Variants in METTL21C observed in about 807,000 individuals in gnomAD.
METTL21C encodes the protein protein-lysine methyltransferase METTL21C.
In METTL21C, 21 loss-of-function variants were observed where a neutral mutation model predicts 25.9. The ratio of observed to expected loss-of-function variants is 0.81; its 90% CI spans 0.58 to 1.17. The LOEUF (loss-of-function observed/expected upper bound fraction) is 1.17. METTL21C is among the 50% of genes most tolerant of loss of function. The pLI is 0.00. For synonymous variants in METTL21C, 125 were observed against 124.7 expected, an observed-to-expected ratio of 1.00 and a Z score of -0.01; for missense variants, 312 against 315.1, an observed-to-expected ratio of 0.99 and a Z score of 0.07.
chr13:102,689,337 T>C lies in METTL21C; in HGVS notation c.282+1476A>G, dbSNP rs895999. ...AGTTTGGTGATTTTCAAACTCGTTT[T>C]TAAGGCAAAGAAAAGCCTTTAGTTG... is the stretch of plus-strand genomic sequence containing the variant. On this transcript the variant is annotated intron_variant, in intron 2 of 3. Transcript: ENST00000267273. Among the ~76,000 whole-genome samples, 32 of 152,132 alleles carry C rather than the reference T, an allele frequency of 2.1e-4. 1 individual carries two copies. Among genetic ancestry groups the C allele is most frequent in the Admixed American group, 2.0e-3 (30 of 15,284 alleles).
chr13:102,693,567 T>C (rs910039851), intron 1 of METTL21C, among the ~76,000 whole-genome samples: 3 of 152,208 alleles, frequency 2.0e-5, no homozygotes, highest in Non-Finnish European at 2.9e-5. Flanking sequence ...ATTTCACAGG[T>C]AAATAAACTG....
chr13:102,691,102 G>A (rs145077408), intron 1 of METTL21C, 138 bp from the exon 2 acceptor site: 6 of 971,012 alleles, frequency 6.2e-6, no homozygotes, highest in African/African-American at 5.0e-5. Context: ...CAAGGAGAAC[G>A]GCTGCAAATT....
At chr13:102,696,846 T>C (rs765231746), upstream of METTL21C, among the ~76,000 whole-genome samples, 1 of 152,092 alleles carries the variant, frequency 6.6e-6, no homozygotes, top group Non-Finnish European at 1.5e-5. Context: ...TTGCTGAATT[T>C]GTTATTGAGC....
At position 102,694,381 on chromosome 13, in the gene METTL21C, C is replaced by T. The variant is rs2138889949; in HGVS notation, c.118G>A (p.Gly40Arg). 1 of 1,603,354 alleles carries T rather than the reference C, an allele frequency of 6.2e-7. No individual in the cohort carries two copies. Among genetic ancestry groups the T allele is most frequent in the Non-Finnish European group, 8.5e-7 (1 of 1,174,672 alleles). Reference sequence around the variant, plus strand: ...AGAAGGAGGTTACCTTCTAGGACTCCCCCGGTGCTGTCTTTCTGCGGAGCC... The same window carrying T: ...AGAAGGAGGTTACCTTCTAGGACTCTCCCGGTGCTGTCTTTCTGCGGAGCC... ...KGAPQKDSTG[G>R]VLEESNKIEP... The change falls in exon 1 of 4, where the codon GGA (glycine) becomes AGA (arginine). Residue 40 changes from glycine to arginine, a missense_variant. Coordinates refer to ENST00000267273, the MANE Select transcript of METTL21C (RefSeq NM_001010977.3).
In METTL21C at chr13:102,686,150, T is replaced by C; in HGVS notation, c.676A>G (p.Arg226Gly). ...AAAAATTCATAGTCGGTGCTGAACC[T>C]GAATTTGTTTGCCCAAAGCAGCACC... ...GTVLLWANKF[R>G]FSTDYEFLDK... is the part of the protein sequence containing the mutation. Residue 226 changes from arginine (R) to glycine (G), a missense_variant, in exon 4 of 4, where the codon AGG becomes GGG. Coordinates refer to ENST00000267273, the MANE Select transcript of METTL21C (RefSeq NM_001010977.3). The C allele has an allele frequency of 6.2e-7, 1 of 1,614,210 alleles. No homozygotes were observed. Among genetic ancestry groups the C allele is most frequent in the Non-Finnish European group, 8.5e-7 (1 of 1,180,036 alleles).
chr13:102,702,590 T>A, the METTL21C span, among the ~76,000 whole-genome samples: 2 of 103,260 alleles, frequency 1.9e-5, no homozygotes, highest in South Asian at 6.1e-4. Context: ...AAAAACAGGA[T>A]TTTTTTTTTT....
the METTL21C span, among the ~76,000 whole-genome samples, chr13:102,703,253 C>T: frequency 2.6e-4 from 39 of 152,306 alleles, no homozygotes; most frequent in African/African-American, 9.1e-4. Context: ...CTCTCTTCTG[C>T]TCCTTCCTCT....
chr13:102,686,938 A>C lies in METTL21C; in HGVS notation c.400+2T>G. ...TACTAGGTCAGGAATAAACAAACAAACCTAAAATACTGGCCACAATGGAAA... is the reference window on the plus strand; with the variant it reads ...TACTAGGTCAGGAATAAACAAACAACCCTAAAATACTGGCCACAATGGAAA... On this transcript the variant is annotated splice_donor_variant, in intron 3 of 3. Coordinates refer to ENST00000267273, the MANE Select transcript of METTL21C (RefSeq NM_001010977.3). LOFTEE classifies it high-confidence loss of function. The C allele has an allele frequency of 6.2e-7, 1 of 1,610,742 alleles. No individual in the cohort carries two copies. Among genetic ancestry groups the C allele is most frequent in the Non-Finnish European group, 8.5e-7 (1 of 1,176,966 alleles).
At chr13:102,692,291 CG>C (rs35037565) in intron 1 of METTL21C, among the ~76,000 whole-genome samples, 40,212 of 151,862 alleles carry the variant, frequency 0.26, 5,463 homozygotes, top group East Asian at 0.35. Context: ...TCCCTCAGGT[CG>C]GGGGCAGGGC....
intron 1 of METTL21C, among the ~76,000 whole-genome samples, chr13:102,693,622 A>G (rs79976245): frequency 0.016 from 2,479 of 152,370 alleles, 57 homozygotes; most frequent in African/African-American, 0.057. Flanking sequence ...TCAACATTGT[A>G]AGGAAACATA....
At chr13:102,690,639 C>T (rs1030714978) in intron 2 of METTL21C, among the ~76,000 whole-genome samples, 174 bp downstream of exon 2, 3 of 151,748 alleles carry the variant, frequency 2.0e-5, no homozygotes, top group African/African-American at 7.3e-5. Context: ...CTGAAAGAAA[C>T]ACTGTTTTTG....
upstream of METTL21C, among the ~76,000 whole-genome samples, chr13:102,698,891 C>G (rs1441842656): frequency 3.3e-5 from 5 of 152,188 alleles, no homozygotes; most frequent in East Asian, 9.6e-4. Flanking sequence ...GCTCTGGTTC[C>G]AGAGATATCA....
chr13:102,701,422 A>C, the METTL21C span, among the ~76,000 whole-genome samples: 4 of 152,136 alleles, frequency 2.6e-5, no homozygotes, highest in African/African-American at 9.7e-5. Flanking sequence ...TCTCTAGTAA[A>C]AAGCAAAGTA....
chr13:102,704,007 T>C, the METTL21C span, among the ~76,000 whole-genome samples: 1 of 152,206 alleles, frequency 6.6e-6, no homozygotes, highest in Non-Finnish European at 1.5e-5. Flanking sequence ...CAATACTAAA[T>C]ATACTGTTTT....
At chr13:102,698,406 T>C (rs1369841634), upstream of METTL21C, among the ~76,000 whole-genome samples, 1 of 152,236 alleles carries the variant, frequency 6.6e-6, no homozygotes, top group Non-Finnish European at 1.5e-5. Context: ...TGTTTGTCTG[T>C]TGTCTTAGAA....
the METTL21C span, among the ~76,000 whole-genome samples, chr13:102,700,499 T>G: frequency 2.0e-5 from 3 of 152,226 alleles, no homozygotes; most frequent in Non-Finnish European, 4.4e-5. Context: ...TTTCATGTTA[T>G]CAAAATAGCC....
chr13:102,700,918 C>G, the METTL21C span, among the ~76,000 whole-genome samples: 76 of 151,918 alleles, frequency 5.0e-4, 1 homozygote, highest in African/African-American at 1.8e-3. Context: ...TAGCGCCGTC[C>G]GCTGCTTGGA....
At chr13:102,695,113 A>G (rs1405752699), upstream of METTL21C, among the ~76,000 whole-genome samples, 1 of 152,086 alleles carries the variant, frequency 6.6e-6, no homozygotes, top group Non-Finnish European at 1.5e-5. Flanking sequence ...TTTTGTGCTC[A>G]TTTGCCAAAC....
the METTL21C span, among the ~76,000 whole-genome samples, chr13:102,702,609 C>T: frequency 2.6e-3 from 382 of 148,798 alleles, 2 homozygotes; most frequent in Non-Finnish European, 1.4e-3. Context: ...TTTTTTGAGA[C>T]GGAGTCTCGC....
Sources: gnomAD v4.1 joint callset for allele counts (sites outside exome capture counted in the v4.1 genomes callset) on GRCh38, gnomAD v4.1.1 for gene constraint, MANE v1.5 for transcripts, NCBI Gene and HGNC (gene_info 2026-07-23, HGNC 2026-07-21) for gene names.